Variants in AGBL1 observed in about 807,000 individuals in gnomAD.
AGBL1 encodes the protein cytosolic carboxypeptidase 4.
A neutral mutation model predicts 118.9 loss-of-function variants in AGBL1; 130 were observed. The observed-to-expected ratio is 1.09, with a 90% CI of 0.95 to 1.26. The LOEUF (loss-of-function observed/expected upper bound fraction) is 1.26, where lower values mean the gene tolerates loss of function less well. AGBL1 is among the 50% of genes most tolerant of loss of function. AGBL1 has a pLI of 0.00. For missense variants in AGBL1, 1,584 were observed against 1,298.1 expected, an observed-to-expected ratio of 1.22 and a Z score of -3.38; for synonymous variants, 555 against 478.9, an observed-to-expected ratio of 1.16 and a Z score of -2.08.
At chr15:86,121,463 A>G (rs1421503738) in intron 1 of AGBL1, among the ~76,000 whole-genome samples, 1 of 152,234 alleles carries the variant, frequency 6.6e-6, no homozygotes, top group Non-Finnish European at 1.5e-5. Flanking sequence ...CTTATTTAAG[A>G]TTAGAGTTTC....
At chr15:86,717,343 A>C (rs2086653285) in intron 22 of AGBL1, among the ~76,000 whole-genome samples, 1 of 152,158 alleles carries the variant, frequency 6.6e-6, no homozygotes, top group Non-Finnish European at 1.5e-5. Context: ...GTGGAACATG[A>C]CGATCTCTTC....
At chr15:86,556,430 G>A in intron 21 of AGBL1, 1 of 652,536 alleles carries the variant, frequency 1.5e-6, no homozygotes, top group Non-Finnish European at 2.7e-6. Flanking sequence ...TTCTCTATAT[G>A]AAAAACACTT....
intron 22 of AGBL1, among the ~76,000 whole-genome samples, chr15:86,865,947 C>G (rs930433302): frequency 6.6e-6 from 1 of 152,182 alleles, no homozygotes; most frequent in African/African-American, 2.4e-5. Flanking sequence ...TGGCATATAA[C>G]CAAGTGCTTG....
At chr15:86,272,448 T>C (rs1365337631) in intron 15 of AGBL1, among the ~76,000 whole-genome samples, 2 of 152,180 alleles carry the variant, frequency 1.3e-5, no homozygotes, top group African/African-American at 4.8e-5. Flanking sequence ...CTAGTTTCTT[T>C]TAAAAACTGA....
At chr15:86,682,116 A>C (rs1341993255) in intron 22 of AGBL1, among the ~76,000 whole-genome samples, 1 of 152,186 alleles carries the variant, frequency 6.6e-6, no homozygotes, top group African/African-American at 2.4e-5. Context: ...ATAGTATGAA[A>C]TATCTGAGAC....
intron 22 of AGBL1, among the ~76,000 whole-genome samples, chr15:86,743,526 A>C (rs2077710758): frequency 6.6e-6 from 1 of 152,088 alleles, no homozygotes. Context: ...GCCATAGTGC[A>C]TGTGGGATCT....
chr15:86,964,069 TCAAA>T (rs1242862476), intron 23 of AGBL1, among the ~76,000 whole-genome samples: 1 of 149,186 alleles, frequency 6.7e-6, no homozygotes, highest in Non-Finnish European at 1.5e-5. Flanking sequence ...GTGTGTGACT[TCAAA>T]CAATTTGGAA....
chr15:86,361,982 T>A (rs1567217955), intron 17 of AGBL1, among the ~76,000 whole-genome samples: 1 of 152,188 alleles, frequency 6.6e-6, no homozygotes, highest in Non-Finnish European at 1.5e-5. Context: ...TTTTGTTAAT[T>A]GTTTTCCAAC....
intron 1 of AGBL1, among the ~76,000 whole-genome samples, chr15:86,101,614 T>C (rs897714409): frequency 7.9e-5 from 12 of 152,108 alleles, no homozygotes; most frequent in Non-Finnish European, 1.6e-4. Context: ...CCTTTATCAT[T>C]GTGTAATGAC....
chr15:86,469,920 C>T (rs1425176054), intron 18 of AGBL1, among the ~76,000 whole-genome samples: 1 of 151,908 alleles, frequency 6.6e-6, no homozygotes, highest in Admixed American at 6.6e-5. Context: ...TTTAAAAAAT[C>T]AGGTTACTTG....
chr15:86,300,810 A>G (rs975213443), intron 17 of AGBL1, among the ~76,000 whole-genome samples: 3 of 152,136 alleles, frequency 2.0e-5, no homozygotes, highest in South Asian at 2.1e-4. Context: ...TACAAAAGCA[A>G]TGTTCTATTC....
intron 5 of AGBL1, among the ~76,000 whole-genome samples, chr15:86,217,048 A>G (rs1352316320): frequency 2.0e-5 from 3 of 152,130 alleles, no homozygotes; most frequent in Admixed American, 6.5e-5. Flanking sequence ...ACTCCAGCCA[A>G]CCTTTTAAAT....
intron 22 of AGBL1, among the ~76,000 whole-genome samples, chr15:86,859,729 A>G (rs1481538612): frequency 6.6e-6 from 1 of 152,170 alleles, no homozygotes; most frequent in Non-Finnish European, 1.5e-5. Flanking sequence ...AGAAGTGTTC[A>G]TGTGTGGTGG....
At chr15:86,484,208 G>GTAAT (rs2082686875) in intron 18 of AGBL1, among the ~76,000 whole-genome samples, 1 of 152,078 alleles carries the variant, frequency 6.6e-6, no homozygotes, top group Non-Finnish European at 1.5e-5. Flanking sequence ...TTGAGAACCT[G>GTAAT]TAATTGCAAG....
chr15:86,202,825 T>A (rs2077928897), intron 5 of AGBL1, among the ~76,000 whole-genome samples: 1 of 152,216 alleles, frequency 6.6e-6, no homozygotes. Context: ...GGCAAAGCCC[T>A]GGTGCTAAGT....
chr15:86,602,346 A>G (rs1291073618), intron 21 of AGBL1, among the ~76,000 whole-genome samples: 1 of 152,226 alleles, frequency 6.6e-6, no homozygotes, highest in Non-Finnish European at 1.5e-5. Flanking sequence ...ACATTGAGAG[A>G]TTAACTACTC....
chr15:86,511,605 A>G lies in AGBL1; in HGVS notation c.2556-11205A>G, dbSNP rs1390821282. Among the ~76,000 whole-genome samples the G allele has an allele frequency of 2.6e-5, 4 of 152,068 alleles. No individual in the cohort carries two copies. In the South Asian group the frequency reaches 8.3e-4, roughly 31 times the overall value. ...AAATCTCAACTTTCTCATGTGCAAAATGGAAATTATAATTATAAATGCCTC... is the reference window on the plus strand; with the variant it reads ...AAATCTCAACTTTCTCATGTGCAAAGTGGAAATTATAATTATAAATGCCTC... On this transcript the variant is annotated intron_variant, in intron 18 of 22. Coordinates refer to ENST00000614907, the MANE Select transcript of AGBL1 (RefSeq NM_001386094.1).
rs552351887 is a variant in AGBL1 at position 86,417,957 on chromosome 15, A to G, written c.2555+20411A>G. On this transcript the variant is annotated intron_variant, in intron 18 of 22. Transcript: ENST00000614907. Reference sequence around the variant, plus strand: ...ATAAAGCCTCGAAGTTATTTTTTATATTAATTGCCATTAACCTGAAAGTAT... The same window carrying G: ...ATAAAGCCTCGAAGTTATTTTTTATGTTAATTGCCATTAACCTGAAAGTAT... Among the ~76,000 whole-genome samples, 6 of 152,288 alleles carry G rather than the reference A, an allele frequency of 3.9e-5. 1 individual carries two copies. The East Asian group carries it at 1.2e-3, about 29-fold the overall frequency.
intron 18 of AGBL1, among the ~76,000 whole-genome samples, chr15:86,457,493 C>A (rs926250123): frequency 1.1e-4 from 17 of 151,952 alleles, no homozygotes; most frequent in African/African-American, 3.1e-4. Flanking sequence ...TAAGAGTGAT[C>A]GTAATAAAGT....
Sources: allele counts gnomAD v4.1 joint callset (sites outside exome capture counted in the v4.1 genomes callset), GRCh38; gene constraint gnomAD v4.1.1; transcripts MANE v1.5; gene names NCBI Gene and HGNC (gene_info 2026-07-23, HGNC 2026-07-21).